Variants in RGS7 observed in about 807,000 individuals in gnomAD.
RGS7 encodes regulator of G-protein signaling 7.
A neutral mutation model predicts 81.1 loss-of-function variants in RGS7; 27 were observed. The observed-to-expected ratio is 0.33, with a 90% CI of 0.25 to 0.46. RGS7 has a LOEUF of 0.46. Among genes scored for constraint, RGS7 ranks in the 20% least tolerant of loss-of-function variants. The pLI is 1.00. For synonymous variants in RGS7, 208 were observed against 207.7 expected (o/e 1.00, Z -0.01); for missense variants, 396 against 607.4 (o/e 0.65, Z 3.66).
Position 241,008,973 on chromosome 1 carries a change from G to A in RGS7, c.176-25844C>T, listed in dbSNP as rs1022398307. ...ATGACATTCAGTCATAAGACAGACAGCTATAACCTAGGCAGCTGTAACCTT... is the reference window on the plus strand; with the variant it reads ...ATGACATTCAGTCATAAGACAGACAACTATAACCTAGGCAGCTGTAACCTT... On this transcript the variant is annotated intron_variant, in intron 3 of 18. Transcript: ENST00000440928. Among the ~76,000 whole-genome samples the A allele has an allele frequency of 2.3e-4, 34 of 148,534 alleles. 1 individual carries two copies. Among genetic ancestry groups the A allele is most frequent in the African/African-American group, 8.2e-4 (33 of 40,336 alleles).
intron 2 of RGS7, among the ~76,000 whole-genome samples, chr1:241,128,276 CA>C (rs58934562): frequency 1.8e-3 from 202 of 115,080 alleles, no homozygotes; most frequent in Admixed American, 2.0e-3. Flanking sequence ...GACTCCGTCT[CA>C]AAAAAAAAAA....
At chr1:241,342,769 A>C (rs1310675018) in intron 2 of RGS7, among the ~76,000 whole-genome samples, 1 of 152,236 alleles carries the variant, frequency 6.6e-6, no homozygotes, top group African/African-American at 2.4e-5. Flanking sequence ...GCACTTGAAA[A>C]GATGCTCCAT....
chr1:240,780,712 G>A (rs1397998022), intron 18 of RGS7, among the ~76,000 whole-genome samples: 8 of 151,596 alleles, frequency 5.3e-5, no homozygotes, highest in Non-Finnish European at 1.0e-4. Context: ...TCAAGAGATC[G>A]AGACTATCCT....
chr1:241,052,147 A>G (rs748450519), intron 3 of RGS7, among the ~76,000 whole-genome samples: 4 of 152,184 alleles, frequency 2.6e-5, no homozygotes, highest in Non-Finnish European at 4.4e-5. Flanking sequence ...CCCGTGTTCA[A>G]TGCTAGGGAT....
chr1:241,315,428 T>A (rs1285870581), intron 2 of RGS7, among the ~76,000 whole-genome samples: 1 of 152,094 alleles, frequency 6.6e-6, no homozygotes, highest in African/African-American at 2.4e-5. Context: ...ATTTAAAAAA[T>A]TTGATGATTA....
At chr1:240,903,933 G>A (rs965655185) in intron 6 of RGS7, among the ~76,000 whole-genome samples, 1 of 152,196 alleles carries the variant, frequency 6.6e-6, no homozygotes, top group Non-Finnish European at 1.5e-5. Flanking sequence ...AGAAGCAGGT[G>A]CTGGTGCCAT....
At chr1:240,917,993 T>C (rs1672875353) in intron 6 of RGS7, among the ~76,000 whole-genome samples, 1 of 152,148 alleles carries the variant, frequency 6.6e-6, no homozygotes. Flanking sequence ...AGAAAAAACA[T>C]TTTTCAGGGA....
intron 9 of RGS7, among the ~76,000 whole-genome samples, chr1:240,848,238 A>G (rs1659452747): frequency 6.6e-6 from 1 of 152,174 alleles, no homozygotes; most frequent in African/African-American, 2.4e-5. Context: ...TGATTTGCAA[A>G]AGTATAAAAC....
chr1:240,956,403 C>T (rs1218394387), intron 4 of RGS7, among the ~76,000 whole-genome samples: 3 of 146,188 alleles, frequency 2.1e-5, no homozygotes, highest in Admixed American at 6.8e-5. Context: ...AAAAAACCCA[C>T]TATGGGTTCA....
intron 2 of RGS7, among the ~76,000 whole-genome samples, chr1:241,158,821 T>C (rs1233897019): frequency 6.6e-6 from 1 of 152,190 alleles, no homozygotes; most frequent in African/African-American, 2.4e-5. Flanking sequence ...ATCAAAAGAT[T>C]AGAAATGTGA....
chr1:241,176,557 A>G (rs1013104410), intron 2 of RGS7, among the ~76,000 whole-genome samples: 1 of 152,146 alleles, frequency 6.6e-6, no homozygotes, highest in African/African-American at 2.4e-5. Context: ...ACCCGGAAAC[A>G]ATAAATGAAA....
intron 6 of RGS7, among the ~76,000 whole-genome samples, chr1:240,890,085 A>G (rs1373957918): frequency 6.6e-6 from 1 of 151,964 alleles, no homozygotes; most frequent in African/African-American, 2.4e-5. Flanking sequence ...GTCCTGCAAA[A>G]CGGAGCTTGT....
intron 6 of RGS7, among the ~76,000 whole-genome samples, chr1:240,887,404 A>G (rs977367127): frequency 2.0e-5 from 3 of 151,704 alleles, no homozygotes; most frequent in Non-Finnish European, 2.9e-5. Context: ...CATTTTTTGT[A>G]TTTTTAGTAG....
intron 3 of RGS7, among the ~76,000 whole-genome samples, chr1:241,009,664 A>G (rs936015101): frequency 1.3e-5 from 2 of 152,224 alleles, no homozygotes; most frequent in African/African-American, 4.8e-5. Flanking sequence ...CACCCTGTAG[A>G]TAAACTGACA....
chr1:241,274,946 C>T (rs570554182), intron 2 of RGS7, among the ~76,000 whole-genome samples: 1 of 152,316 alleles, frequency 6.6e-6, no homozygotes, highest in African/African-American at 2.4e-5. Context: ...CCAGGACGGA[C>T]TGATTATTCA....
At chr1:241,015,733 T>A (rs1227389978) in intron 3 of RGS7, among the ~76,000 whole-genome samples, 2 of 152,246 alleles carry the variant, frequency 1.3e-5, no homozygotes, top group South Asian at 4.1e-4. Flanking sequence ...ATGGCAATGA[T>A]ATTTTAGGAT....
At chr1:240,822,632 T>C (rs1381882175) in intron 10 of RGS7, among the ~76,000 whole-genome samples, 1 of 152,240 alleles carries the variant, frequency 6.6e-6, no homozygotes, top group East Asian at 1.9e-4. Flanking sequence ...TATTTTACCA[T>C]GAAAATTTCA....
intron 2 of RGS7, among the ~76,000 whole-genome samples, chr1:241,151,284 G>A (rs149187209): frequency 8.5e-5 from 13 of 152,256 alleles, no homozygotes; most frequent in Middle Eastern, 6.8e-3. Flanking sequence ...AGACGGTAGC[G>A]GATACGCAGT....
intron 4 of RGS7, among the ~76,000 whole-genome samples, chr1:240,966,403 T>A (rs774177277): frequency 1.1e-4 from 16 of 152,198 alleles, no homozygotes; most frequent in Non-Finnish European, 1.9e-4. Flanking sequence ...TCTTTATGAT[T>A]TGTATGAATT....
Sources: allele counts gnomAD v4.1 joint callset (sites outside exome capture counted in the v4.1 genomes callset), GRCh38; gene constraint gnomAD v4.1.1; transcripts MANE v1.5; gene names NCBI Gene and HGNC (gene_info 2026-07-23, HGNC 2026-07-21).